ABCC3: variants seen among roughly 807,000 people sequenced by gnomAD.
ABCC3 encodes the protein ATP binding cassette subfamily C member 3.
A neutral mutation model predicts 165.3 loss-of-function variants in ABCC3; 121 were observed. The observed-to-expected ratio is 0.73, with a 90% CI of 0.63 to 0.85. The LOEUF is 0.85. Among genes scored for constraint, ABCC3 ranks in the 40% least tolerant of loss-of-function variants. The pLI, the probability that ABCC3 is intolerant of heterozygous loss-of-function variation, is 0.00. For synonymous variants in ABCC3, 733 were observed against 810.1 expected (o/e 0.90, Z 1.62); for missense variants, 1,869 against 1,964.1 (o/e 0.95, Z 0.92).
At chr17:50,655,483 A>G (rs1436557821) in intron 1 of ABCC3, among the ~76,000 whole-genome samples, 1 of 150,910 alleles carries the variant, frequency 6.6e-6, no homozygotes, top group Non-Finnish European at 1.5e-5. Context: ...CCTGGGAGGG[A>G]TGAACTGCAG....
intron 1 of ABCC3, among the ~76,000 whole-genome samples, chr17:50,652,980 T>C (rs1336491502): frequency 6.6e-6 from 1 of 152,190 alleles, no homozygotes; most frequent in Non-Finnish European, 1.5e-5. Flanking sequence ...GTACCCTTAC[T>C]TGGTCACTAA....
chr17:50,668,316 G>C (rs1033213643), intron 13 of ABCC3, 114 bp from the exon 14 acceptor site: 6 of 848,864 alleles, frequency 7.1e-6, no homozygotes, highest in Non-Finnish European at 1.1e-5. Context: ...CCCAGTGCTA[G>C]TGTCTGGGCC....
Position 50,675,912 on chromosome 17 carries a change from C to T in ABCC3, c.2889C>T (p.Ala963=). ...TVELSVFWDY[A]KAVGLCTTLA... is the part of the protein sequence containing the mutation. ...AGCTCAGTGTGTTCTGGGATTATGC[C>T]AAGGCCGTGGGGCTCTGTACCACGC... The change falls in exon 22 of 31, where the codon GCC becomes GCT. Residue 963 remains alanine, a synonymous_variant. Transcript: ENST00000285238. 6.2e-7 allele frequency: 1 copy of T among 1,614,118 alleles called. No individual in the cohort carries two copies. Among genetic ancestry groups the T allele is most frequent in the Non-Finnish European group, 8.5e-7 (1 of 1,180,034 alleles).
chr17:50,689,573 C>T lies in ABCC3; in HGVS notation c.4476-1519C>T, dbSNP rs1046393928. 3.9e-5 allele frequency among the ~76,000 whole-genome samples: 6 copies of T among 152,196 alleles called. No homozygotes were observed. The East Asian group carries it at 5.8e-4, about 15-fold the overall frequency. ...ACTCACTCAAGAAACACTTGCAGGACGATGGAGTGGGAAGGGTGCCATGGA... is the reference window on the plus strand; with the variant it reads ...ACTCACTCAAGAAACACTTGCAGGATGATGGAGTGGGAAGGGTGCCATGGA... On this transcript the variant is annotated intron_variant, in intron 30 of 30. Coordinates refer to ENST00000285238, the MANE Select transcript of ABCC3 (RefSeq NM_003786.4).
Position 50,667,895 on chromosome 17 carries a change from C to T in ABCC3, c.1668C>T (p.Tyr556=), listed in dbSNP as rs775482973. The part of the protein sequence containing the change: ...VTLITLWVYV[Y]VDPNNVLDAE... ...TGATCACCCTCTGGGTGTACGTGTA[C>T]GTGGACCCAAACAATGTGCTGGACG... Residue 556 remains tyrosine (Y), a synonymous_variant, in exon 13 of 31, where the codon TAC becomes TAT. Transcript: ENST00000285238. The T allele has an allele frequency of 5.0e-6, 8 of 1,614,130 alleles. No individual in the cohort carries two copies. Among genetic ancestry groups the T allele is most frequent in the African/African-American group, 2.7e-5 (2 of 75,040 alleles).
chr17:50,658,233 G>C (rs773864722), intron 5 of ABCC3, 26 bp downstream of exon 5: 1 of 1,614,124 alleles, frequency 6.2e-7, no homozygotes, highest in South Asian at 1.1e-5. Context: ...AGGGTGCGGG[G>C]GCTCCACAGC....
chr17:50,658,048 AGT>A, intron 4 of ABCC3, 32 bp from the exon 5 acceptor site: 1 of 1,613,640 alleles, frequency 6.2e-7, no homozygotes, highest in Non-Finnish European at 8.5e-7. Flanking sequence ...AGGCTTTTCC[AGT>A]GCTTCTGACG....
At position 50,677,929 on chromosome 17, in the gene ABCC3, C is replaced by A. The variant is rs761274380; in HGVS notation, c.3564C>A (p.Tyr1188Ter). The A allele has an allele frequency of 6.2e-7, 1 of 1,614,166 alleles. No individual in the cohort carries two copies. Among genetic ancestry groups the A allele is most frequent in the South Asian group, 1.1e-5 (1 of 91,076 alleles). The change falls in exon 24 of 31, where the codon TAC (tyrosine) becomes TAA (stop). Residue 1188 changes from tyrosine to a stop codon, truncating the protein, a stop_gained. Coordinates refer to ENST00000285238, the MANE Select transcript of ABCC3 (RefSeq NM_003786.4). LOFTEE classifies it high-confidence loss of function. ...CCAACCAGAGAAGCTGCTACCCCTA[C>A]ATCATCTCCAACCGGTCAGAAGCCG... is the stretch of plus-strand genomic sequence containing the variant. The part of the protein sequence containing the change: ...VDANQRSCYP[Y>*]IISNRWLSIG...
chr17:50,639,483 G>A (rs907056165), intron 1 of ABCC3, among the ~76,000 whole-genome samples: 2 of 152,156 alleles, frequency 1.3e-5, no homozygotes, highest in Admixed American at 6.5e-5. Flanking sequence ...CACTGGGCAG[G>A]CTTCCAGGGA....
chr17:50,654,035 G>A (rs1219438522), intron 1 of ABCC3, among the ~76,000 whole-genome samples: 1 of 152,142 alleles, frequency 6.6e-6, no homozygotes, highest in Non-Finnish European at 1.5e-5. Flanking sequence ...ATGTAAGGAG[G>A]CAGCTTAAGG....
At chr17:50,650,495 A>G (rs1039997052) in intron 1 of ABCC3, among the ~76,000 whole-genome samples, 2 of 152,204 alleles carry the variant, frequency 1.3e-5, no homozygotes, top group Admixed American at 6.5e-5. Context: ...CACAAGATTC[A>G]TCTTCCACAA....
intron 1 of ABCC3, among the ~76,000 whole-genome samples, chr17:50,654,945 A>AG (rs1449194321): frequency 4.1e-5 from 6 of 146,818 alleles, no homozygotes; most frequent in Admixed American, 1.4e-4. Context: ...TACAAAAAAA[A>AG]AAAAATTAGC....
At chr17:50,685,323 C>G (rs1173655958) in intron 29 of ABCC3, among the ~76,000 whole-genome samples, 1 of 152,194 alleles carries the variant, frequency 6.6e-6, no homozygotes, top group African/African-American at 2.4e-5. Context: ...TTGGAGATAC[C>G]TATACCTGTG....
intron 1 of ABCC3, among the ~76,000 whole-genome samples, chr17:50,642,129 C>T (rs1966904193): frequency 6.6e-6 from 1 of 152,208 alleles, no homozygotes; most frequent in Admixed American, 6.5e-5. Context: ...GGGGCAACTC[C>T]AAGGACTCTG....
Position 50,661,046 on chromosome 17 carries a change from C to G in ABCC3, c.930C>G (p.Ser310Arg). 1.2e-6 allele frequency: 2 copies of G among 1,614,250 alleles called. No homozygotes were observed. Among genetic ancestry groups the G allele is most frequent in the Non-Finnish European group, 1.7e-6 (2 of 1,180,036 alleles). ...LKALLATFGS[S>R]FLISACFKLI... The stretch of plus-strand genomic sequence containing the variant: ...CCCTGCTGGCCACCTTCGGCTCCAG[C>G]TTCCTCATCAGTGCCTGCTTCAAGC... Residue 310 changes from serine to arginine, a missense_variant, in exon 8 of 31, where the codon AGC (serine) becomes AGG (arginine). By Grantham distance (110) the Ser-to-Arg change is moderately radical. Transcript: ENST00000285238.
At chr17:50,659,402 C>T (rs1597848872) in intron 7 of ABCC3, 34 bp downstream of exon 7, 1 of 1,586,422 alleles carries the variant, frequency 6.3e-7, no homozygotes, top group Non-Finnish European at 8.6e-7. Flanking sequence ...CACCCAGCCC[C>T]TTCGCTTACC....
intron 23 of ABCC3, among the ~76,000 whole-genome samples, chr17:50,676,891 G>A (rs1004096959): frequency 1.3e-5 from 2 of 150,044 alleles, no homozygotes; most frequent in East Asian, 1.9e-4. Context: ...TTTTTTGGGG[G>A]GGGGGGGACG....
In ABCC3 at chr17:50,663,470, A is replaced by C; in HGVS notation, c.999-211A>C. 4 of 599,274 alleles carry C rather than the reference A, an allele frequency of 6.7e-6. No individual in the cohort carries two copies. In the South Asian group the frequency reaches 8.2e-5, roughly 12 times the overall value. 37.1% of individuals were successfully genotyped at this position (599,274 alleles called of 1,614,324 possible). ...GGGCGTGCAGCAGGGTCCATGGTGG[A>C]TAGAGAACGAGGTGAAGGCAGAGTG... is the stretch of plus-strand genomic sequence containing the variant. On this transcript the variant is annotated intron_variant, in intron 8 of 30. Coordinates refer to ENST00000285238, the MANE Select transcript of ABCC3 (RefSeq NM_003786.4).
At chr17:50,684,915 C>T in intron 29 of ABCC3, 40 bp downstream of exon 29, 2 of 1,595,610 alleles carry the variant, frequency 1.3e-6, no homozygotes, top group Non-Finnish European at 1.7e-6. Flanking sequence ...CTGCAACCCT[C>T]CCTGGGAAAC....
Sources: gnomAD v4.1 joint callset for allele counts (sites outside exome capture counted in the v4.1 genomes callset) on GRCh38, gnomAD v4.1.1 for gene constraint, MANE v1.5 for transcripts, NCBI Gene and HGNC (gene_info 2026-07-23, HGNC 2026-07-21) for gene names.